The following SGMS2 variants were observed in gnomAD, a reference collection of about 807,000 sequenced individuals.
SGMS2 encodes sphingomyelin synthase 2.
SGMS2 carries 21 observed loss-of-function variants against 43.8 expected under a neutral mutation model. That is an observed-to-expected ratio of 0.48 (90% confidence interval 0.34 to 0.69). The LOEUF (loss-of-function observed/expected upper bound fraction) is 0.69. Ranked by LOEUF, SGMS2 falls within the 30% of genes least tolerant of loss-of-function variation. The probability of loss-of-function intolerance (pLI) is 0.01; values close to 1 mark genes in which losing one functional copy is unlikely to be tolerated. For synonymous variants in SGMS2, 167 were observed against 160.6 expected (o/e 1.04, Z -0.30); for missense variants, 384 against 443.2 (o/e 0.87, Z 1.20).
chr4:107,854,711 T>C (rs1727322175), intron 1 of SGMS2, among the ~76,000 whole-genome samples: 1 of 152,162 alleles, frequency 6.6e-6, no homozygotes, highest in South Asian at 2.1e-4. Context: ...TCTGGTGCAG[T>C]TGTGAGCCGA....
At chr4:107,873,594 A>G (rs1728699841) in intron 2 of SGMS2, 1 of 151,856 alleles carries the variant, frequency 6.6e-6, no homozygotes, top group African/African-American at 2.4e-5. Context: ...TCTAAAATTT[A>G]TTATATACTT....
chr4:107,900,852 T>C (rs1472099595), intron 4 of SGMS2, among the ~76,000 whole-genome samples: 1 of 152,166 alleles, frequency 6.6e-6, no homozygotes, highest in Non-Finnish European at 1.5e-5. Flanking sequence ...TCCAAAGCCA[T>C]CAAAGCAGAA....
chr4:107,865,105 A>C (rs900174466), intron 2 of SGMS2, among the ~76,000 whole-genome samples: 4 of 152,206 alleles, frequency 2.6e-5, no homozygotes, highest in African/African-American at 9.6e-5. Context: ...ATAAGCTTCG[A>C]TAGAATTCAC....
chr4:107,835,834 A>C (rs542403856), intron 1 of SGMS2, among the ~76,000 whole-genome samples: 1 of 152,302 alleles, frequency 6.6e-6, no homozygotes, highest in South Asian at 2.1e-4. Context: ...TTGATGAACT[A>C]GTTTCTGAGC....
intron 3 of SGMS2, 108 bp from the exon 4 acceptor site, chr4:107,899,467 C>T: frequency 1.4e-6 from 1 of 690,550 alleles, no homozygotes. Flanking sequence ...TTTGTTAATG[C>T]CATTCTGTAC....
intron 1 of SGMS2, among the ~76,000 whole-genome samples, chr4:107,844,604 T>C (rs1185158617): frequency 2.0e-5 from 3 of 152,008 alleles, no homozygotes; most frequent in African/African-American, 7.3e-5. Context: ...TACTGGAGAA[T>C]CTGAGGTGGG....
chr4:107,830,449 T>C (rs1725827845), intron 1 of SGMS2, among the ~76,000 whole-genome samples: 2 of 152,286 alleles, frequency 1.3e-5, no homozygotes, highest in South Asian at 4.1e-4. Context: ...CTTTGAGAAA[T>C]CTCTAAACTG....
At position 107,841,375 on chromosome 4, in the gene SGMS2, C is replaced by T. The variant is rs748051068; in HGVS notation, c.-327+16122C>T. Among the ~76,000 whole-genome samples, 4 of 152,060 alleles carry T rather than the reference C, an allele frequency of 2.6e-5. No homozygotes were observed. The South Asian group carries it at 8.3e-4, about 32-fold the overall frequency. On this transcript the variant is annotated intron_variant, in intron 1 of 6. Coordinates refer to ENST00000690982, the MANE Select transcript of SGMS2 (RefSeq NM_001375905.1). ...CACCTTTTAGGCAAGTTTTTTCTAG[C>T]CACTCTTTTTCCCCTGTGAAATTTT...
At chr4:107,879,456 T>G (rs1560655571) in intron 2 of SGMS2, among the ~76,000 whole-genome samples, 1 of 145,018 alleles carries the variant, frequency 6.9e-6, no homozygotes, top group Admixed American at 7.1e-5. Flanking sequence ...ATAATTTATC[T>G]TGATGGGCTA....
At chr4:107,861,230 G>C (rs531284449) in intron 2 of SGMS2, among the ~76,000 whole-genome samples, 1 of 152,280 alleles carries the variant, frequency 6.6e-6, no homozygotes, top group South Asian at 2.1e-4. Context: ...GAAATCTTCA[G>C]TTTCAGCATG....
intron 6 of SGMS2, among the ~76,000 whole-genome samples, 182 bp downstream of exon 6, chr4:107,908,913 G>A (rs1047082817): frequency 1.3e-5 from 2 of 151,960 alleles, no homozygotes; most frequent in Non-Finnish European, 2.9e-5. Context: ...TGCCATTTAT[G>A]GATAAAAATG....
chr4:107,896,780 T>C (rs888824944), intron 3 of SGMS2, among the ~76,000 whole-genome samples: 6 of 152,184 alleles, frequency 3.9e-5, no homozygotes, highest in Non-Finnish European at 5.9e-5. Flanking sequence ...AGCCCTGAAG[T>C]GGTTATTTCT....
chr4:107,895,980 A>C lies in SGMS2; in HGVS notation c.427A>C (p.Ile143Leu). 4 of 1,613,092 alleles carry C rather than the reference A, an allele frequency of 2.5e-6. No individual in the cohort carries two copies. The highest frequency in any genetic ancestry group is 3.4e-6 in the Non-Finnish European group (4 of 1,179,268). Residue 143 changes from isoleucine (I) to leucine (L), a missense_variant, in exon 3 of 7, where the codon ATC becomes CTC. Physicochemically the swap from Ile to Leu is conservative, Grantham distance 5. Transcript: ENST00000690982. ...INGIILVGLWITQWLFLRYKS... is the reference protein window; with the variant it reads ...INGIILVGLWLTQWLFLRYKS... ...TGGGATTATATTAGTTGGATTATGGATCACCCAGTGGCTGTTTCTGAGATA... is the reference window on the plus strand; with the variant it reads ...TGGGATTATATTAGTTGGATTATGGCTCACCCAGTGGCTGTTTCTGAGATA...
chr4:107,867,592 C>T (rs1226519316), intron 2 of SGMS2: 1 of 152,214 alleles, frequency 6.6e-6, no homozygotes, highest in Non-Finnish European at 1.5e-5. Flanking sequence ...ATGCTGGCTT[C>T]ACTGCTTACT....
intron 1 of SGMS2, among the ~76,000 whole-genome samples, chr4:107,826,647 T>G (rs1413196757): frequency 6.7e-6 from 1 of 149,916 alleles, no homozygotes; most frequent in Non-Finnish European, 1.5e-5. Context: ...ATAGTCTGGT[T>G]GAAGTGTTTT....
chr4:107,905,621 G>C (rs28488748), intron 5 of SGMS2, among the ~76,000 whole-genome samples: 46,926 of 152,070 alleles, frequency 0.31, 8,137 homozygotes, highest in African/African-American at 0.47. Context: ...CCACAGTGCA[G>C]AGCCATCATT....
intron 2 of SGMS2, among the ~76,000 whole-genome samples, chr4:107,870,950 T>A (rs1246250803): frequency 6.6e-6 from 1 of 152,222 alleles, no homozygotes; most frequent in East Asian, 1.9e-4. Context: ...TAAAATTACA[T>A]CTTTTAGCTT....
At chr4:107,875,270 G>A (rs1015817064) in intron 2 of SGMS2, among the ~76,000 whole-genome samples, 4 of 152,110 alleles carry the variant, frequency 2.6e-5, no homozygotes, top group African/African-American at 9.7e-5. Context: ...GGCCATTGAT[G>A]ATAGACTGGA....
At chr4:107,848,939 T>C (rs1459468460) in intron 1 of SGMS2, among the ~76,000 whole-genome samples, 1 of 152,216 alleles carries the variant, frequency 6.6e-6, no homozygotes, top group Non-Finnish European at 1.5e-5. Context: ...TTCATGCTTT[T>C]GGTGTTACAT....
Sources: gnomAD v4.1 joint callset for allele counts (sites outside exome capture counted in the v4.1 genomes callset) on GRCh38, gnomAD v4.1.1 for gene constraint, MANE v1.5 for transcripts, NCBI Gene and HGNC (gene_info 2026-07-23, HGNC 2026-07-21) for gene names.